SFTPD: variants seen among roughly 807,000 people sequenced by gnomAD.
The protein encoded by SFTPD is pulmonary surfactant-associated protein D.
Under a neutral mutation model 34.6 loss-of-function variants are expected in SFTPD, and 18 were observed. That is an observed-to-expected ratio of 0.52 (90% CI 0.36 to 0.77). The LOEUF (loss-of-function observed/expected upper bound fraction) is 0.77, where lower values mean the gene tolerates loss of function less well. SFTPD is among the 30% of genes least tolerant of loss of function. The pLI, the probability that SFTPD is intolerant of heterozygous loss-of-function variation, is 0.00. For missense variants in SFTPD, 433 were observed against 468.9 expected (o/e 0.92, Z 0.71); for synonymous variants, 155 against 180.9 (o/e 0.86, Z 1.15).
In SFTPD at chr10:79,937,745, G is replaced by T; in HGVS notation, c.*107C>A. 1 of 1,243,386 alleles carries T rather than the reference G, an allele frequency of 8.0e-7. No individual in the cohort carries two copies. The highest frequency in any genetic ancestry group is 1.1e-6 in the Non-Finnish European group (1 of 910,860). The allele number at this position is 1,243,386 out of a possible 1,614,324, so 77.0% of individuals were successfully genotyped here. A position where few individuals can be genotyped will look rare whatever the true frequency, so the allele number is the denominator to read the frequency against. On this transcript the variant is annotated 3_prime_UTR_variant, in exon 8 of 8. Coordinates refer to ENST00000372292, the MANE Select transcript of SFTPD (RefSeq NM_003019.5). ...CACATTCTGGAGAGAAGTCCTTCCC[G>T]GCACAGATGGTCACCTTTTTATTAG...
At chr10:79,960,374 A>T (rs912060924) in intron 1 of SFTPD, among the ~76,000 whole-genome samples, 4 of 151,366 alleles carry the variant, frequency 2.6e-5, no homozygotes, top group Admixed American at 2.6e-4. Flanking sequence ...TGCAGATGGC[A>T]TGATTGTATA....
intron 1 of SFTPD, chr10:79,970,392 T>C (rs1490074873): frequency 6.6e-6 from 1 of 152,182 alleles, no homozygotes; most frequent in Non-Finnish European, 1.5e-5. Context: ...AGGATTATTT[T>C]TTCTACTTCT....
At chr10:79,974,667 A>AC (rs1436831811) in intron 1 of SFTPD, among the ~76,000 whole-genome samples, 2 of 152,204 alleles carry the variant, frequency 1.3e-5, no homozygotes, top group Non-Finnish European at 2.9e-5. Flanking sequence ...GTCTATATCT[A>AC]CTTCAACAAT....
Position 79,942,141 on chromosome 10 carries a change from G to C in SFTPD, c.434-71C>G, listed in dbSNP as rs1005235192. 10 of 1,156,820 alleles carry C rather than the reference G, an allele frequency of 8.6e-6. No individual in the cohort carries two copies. The African/African-American group carries it at 1.4e-4, about 16-fold the overall frequency. 71.7% of individuals were successfully genotyped at this position (1,156,820 alleles called of 1,614,324 possible). A position where few individuals can be genotyped will look rare whatever the true frequency, so the allele number is the denominator to read the frequency against. Reference sequence around the variant, plus strand: ...AGCAGGTGTGGTTTTGTTAGCAATGGAGCTTTTTGCCCGCAACTTTAGGGT... The same window carrying C: ...AGCAGGTGTGGTTTTGTTAGCAATGCAGCTTTTTGCCCGCAACTTTAGGGT... On this transcript the variant is annotated intron_variant, in intron 4 of 7. Coordinates refer to ENST00000372292, the MANE Select transcript of SFTPD (RefSeq NM_003019.5).
chr10:79,978,916 T>C (rs1182242488), intron 1 of SFTPD, among the ~76,000 whole-genome samples: 1 of 151,828 alleles, frequency 6.6e-6, no homozygotes, highest in Non-Finnish European at 1.5e-5. Flanking sequence ...AGAAGTAAAA[T>C]TGTCTGTCTG....
Position 79,940,704 on chromosome 10 carries a change from CCTTT to C in SFTPD, c.748_751del (p.Lys250LeufsTer21), listed in dbSNP as rs1842602052. 6.3e-7 allele frequency: 1 copy of C among 1,589,736 alleles called. No individual in the cohort carries two copies. The highest frequency in any genetic ancestry group is 1.7e-5 in the Admixed American group (1 of 59,818). On this transcript the variant is annotated frameshift_variant and splice_region_variant, in exon 7 of 8. Coordinates refer to ENST00000372292, the MANE Select transcript of SFTPD (RefSeq NM_003019.5). LOFTEE classifies it low-confidence loss of function (END_TRUNC). ...GTCCAGGTTCAGATCCAGGAACTCA[CCTTT>C]CTTATACTGAGAGAAAGCAGCCTGG...
At chr10:79,961,091 A>G (rs1184817105) in intron 1 of SFTPD, among the ~76,000 whole-genome samples, 3 of 152,226 alleles carry the variant, frequency 2.0e-5, no homozygotes, top group South Asian at 2.1e-4. Context: ...CTGGCTAGCC[A>G]TAAGTAGAAA....
chr10:79,956,941 T>C (rs567309456), intron 1 of SFTPD, among the ~76,000 whole-genome samples: 9 of 152,130 alleles, frequency 5.9e-5, no homozygotes, highest in Non-Finnish European at 1.2e-4. Flanking sequence ...CGGGTACTCC[T>C]CTGAGACAAA....
chr10:79,979,096 G>A lies in SFTPD; in HGVS notation c.36+3479C>T, dbSNP rs140552655. 1.8e-3 allele frequency among the ~76,000 whole-genome samples: 270 copies of A among 152,092 alleles called. 1 individual carries two copies. Among genetic ancestry groups the A allele is most frequent in the Non-Finnish European group, 3.2e-3 (215 of 67,974 alleles). On this transcript the variant is annotated intron_variant, in intron 1 of 5. Transcript: ENST00000444384. Reference sequence around the variant, plus strand: ...AAAATTAAGAAAACAATCTTAAATAGCATCAAAATGTTAAACTATCTAAAA... The same window carrying A: ...AAAATTAAGAAAACAATCTTAAATAACATCAAAATGTTAAACTATCTAAAA...
intron 2 of SFTPD, among the ~76,000 whole-genome samples, chr10:79,943,889 A>C (rs1314335794): frequency 6.6e-6 from 1 of 152,244 alleles, no homozygotes; most frequent in Non-Finnish European, 1.5e-5. Context: ...GGCTTCACCC[A>C]GGCCAAGTCA....
intron 1 of SFTPD, among the ~76,000 whole-genome samples, chr10:79,958,866 T>A (rs1409421251): frequency 2.0e-5 from 3 of 151,914 alleles, no homozygotes; most frequent in Non-Finnish European, 2.9e-5. Context: ...ACACCACACC[T>A]ATTCCAAAAT....
At chr10:79,944,877 C>T (rs567965036) in intron 2 of SFTPD, among the ~76,000 whole-genome samples, 2 of 152,188 alleles carry the variant, frequency 1.3e-5, no homozygotes, top group South Asian at 2.1e-4. Flanking sequence ...CAATTTTCCT[C>T]GTAGCAGATT....
At chr10:79,940,539 G>C (rs1245386908) in intron 7 of SFTPD, among the ~76,000 whole-genome samples, 166 bp downstream of exon 7, 2 of 152,100 alleles carry the variant, frequency 1.3e-5, no homozygotes, top group African/African-American at 4.8e-5. Context: ...CACAGTCCCA[G>C]GTCCAGCCCT....
intron 1 of SFTPD, among the ~76,000 whole-genome samples, chr10:79,959,057 C>T (rs1181349889): frequency 3.3e-5 from 5 of 151,744 alleles, no homozygotes; most frequent in South Asian, 2.1e-4. Flanking sequence ...GGGTACATAA[C>T]GAAATGAAGG....
chr10:79,962,706 G>A (rs999418118), intron 1 of SFTPD, among the ~76,000 whole-genome samples: 1 of 152,060 alleles, frequency 6.6e-6, no homozygotes, highest in African/African-American at 2.4e-5. Flanking sequence ...GCTTGTAAGT[G>A]TGTTGGGAGA....
At chr10:79,938,640 G>A (rs1166724661) in intron 7 of SFTPD, among the ~76,000 whole-genome samples, 1 of 152,186 alleles carries the variant, frequency 6.6e-6, no homozygotes, top group Admixed American at 6.5e-5. Context: ...TCACAGTGTA[G>A]ACCAGGCCAG....
upstream of SFTPD, chr10:79,950,986 C>T (rs1363887720): frequency 6.6e-6 from 1 of 151,998 alleles, no homozygotes; most frequent in Non-Finnish European, 1.5e-5. Context: ...CTAAAAGTTT[C>T]AACTATATTT....
chr10:79,949,539 G>C (rs551646603), upstream of SFTPD, among the ~76,000 whole-genome samples: 28 of 152,344 alleles, frequency 1.8e-4, no homozygotes, highest in African/African-American at 6.7e-4. Flanking sequence ...TATTGGGAAA[G>C]AGCTGAGAGC....
intron 1 of SFTPD, among the ~76,000 whole-genome samples, chr10:79,961,746 G>A (rs1234286683): frequency 6.6e-6 from 1 of 152,114 alleles, no homozygotes; most frequent in Admixed American, 6.6e-5. Flanking sequence ...TGATTCCTCA[G>A]GGATCTAGAA....
Sources: allele counts gnomAD v4.1 joint callset (sites outside exome capture counted in the v4.1 genomes callset), GRCh38; gene constraint gnomAD v4.1.1; transcripts MANE v1.5; gene names NCBI Gene and HGNC (gene_info 2026-07-23, HGNC 2026-07-21).